Variants in SAMD3 observed in about 807,000 individuals in gnomAD.
SAMD3 encodes sterile alpha motif domain containing 3, also known as sterile alpha motif domain-containing protein 3.
A neutral mutation model predicts 58.5 loss-of-function variants in SAMD3; 63 were observed. That is an observed-to-expected ratio of 1.08 (90% CI 0.88 to 1.33). The LOEUF (loss-of-function observed/expected upper bound fraction) is 1.33. Ranked by LOEUF, SAMD3 falls within the 40% of genes most tolerant of loss-of-function variation. The pLI is 0.00. For synonymous variants in SAMD3, 220 were observed against 210.3 expected (o/e 1.05, Z -0.40); for missense variants, 604 against 608.4 (o/e 0.99, Z 0.08).
chr6:130,155,470 AAAT>A (rs1789694408), intron 8 of SAMD3, among the ~76,000 whole-genome samples: 1 of 152,206 alleles, frequency 6.6e-6, no homozygotes, highest in South Asian at 2.1e-4. Flanking sequence ...TCCAAATTCA[AAAT>A]AATAACAGTG....
intron 2 of SAMD3, chr6:130,215,978 A>G (rs1795984505): frequency 1.6e-6 from 1 of 618,958 alleles, no homozygotes; most frequent in African/African-American, 1.8e-5. Flanking sequence ...CACTGTTATG[A>G]TTGGTAAGAT....
intron 9 of SAMD3, among the ~76,000 whole-genome samples, chr6:130,153,685 TTAAA>T (rs1789455395): frequency 6.8e-6 from 1 of 147,682 alleles, no homozygotes; most frequent in East Asian, 2.0e-4. Flanking sequence ...TATTTATTTT[TTAAA>T]ATTTGAGACA....
intron 2 of SAMD3, among the ~76,000 whole-genome samples, chr6:130,257,835 C>T (rs1773975472): frequency 6.6e-6 from 1 of 151,964 alleles, no homozygotes; most frequent in South Asian, 2.1e-4. Context: ...TCCTTTCTGC[C>T]CCTTCCTGCT....
At chr6:130,212,283 T>A (rs1237012153) in intron 4 of SAMD3, among the ~76,000 whole-genome samples, 1 of 152,154 alleles carries the variant, frequency 6.6e-6, no homozygotes, top group East Asian at 1.9e-4. Context: ...CAATAAGTAT[T>A]CTCTTCTCAC....
intron 2 of SAMD3, among the ~76,000 whole-genome samples, chr6:130,235,116 A>G (rs895735448): frequency 2.0e-5 from 3 of 152,136 alleles, no homozygotes; most frequent in Non-Finnish European, 4.4e-5. Context: ...CCCTGTCTCA[A>G]AAAAAAGGAA....
Position 130,257,063 on chromosome 6 carries a change from C to A in SAMD3, c.-187-34250G>T, listed in dbSNP as rs569172368. Among the ~76,000 whole-genome samples, 4 of 152,180 alleles carry A rather than the reference C, an allele frequency of 2.6e-5. No individual in the cohort carries two copies. In the South Asian group the frequency reaches 8.3e-4, roughly 32 times the overall value. On this transcript the variant is annotated intron_variant, in intron 2 of 13. Coordinates refer to the SAMD3 transcript ENST00000368134. ...ATATGACTATGTCTGGAGAAGAGTT[C>A]TTTAAGAGACAATTAAGCCTTAGTA...
At chr6:130,301,146 A>G (rs911223854) in intron 2 of SAMD3, among the ~76,000 whole-genome samples, 6 of 152,136 alleles carry the variant, frequency 3.9e-5, no homozygotes, top group African/African-American at 1.4e-4. Context: ...AAAGGACACA[A>G]ACTCATTCTT....
At chr6:130,349,862 G>T (rs1375153827) in intron 1 of SAMD3, among the ~76,000 whole-genome samples, 3 of 152,098 alleles carry the variant, frequency 2.0e-5, no homozygotes, top group Non-Finnish European at 4.4e-5. Flanking sequence ...ACATCAAAAA[G>T]CTTATCCACC....
At chr6:130,274,385 G>A (rs1411160174) in intron 2 of SAMD3, among the ~76,000 whole-genome samples, 1 of 152,102 alleles carries the variant, frequency 6.6e-6, no homozygotes, top group Non-Finnish European at 1.5e-5. Context: ...TCTCAGATAG[G>A]GAGGGACTGT....
chr6:130,167,803 G>A (rs148036427), intron 8 of SAMD3, among the ~76,000 whole-genome samples: 268 of 152,234 alleles, frequency 1.8e-3, no homozygotes, highest in African/African-American at 6.3e-3. Context: ...GATTGGAAAG[G>A]CATTTTTAAA....
chr6:130,282,476 A>T (rs1456031884), intron 2 of SAMD3, among the ~76,000 whole-genome samples: 1 of 152,214 alleles, frequency 6.6e-6, no homozygotes, highest in Non-Finnish European at 1.5e-5. Flanking sequence ...ACTGCCCTGA[A>T]GTAGTCTTGG....
chr6:130,353,868 A>C (rs572573993), intron 1 of SAMD3, among the ~76,000 whole-genome samples: 1 of 152,342 alleles, frequency 6.6e-6, no homozygotes, highest in East Asian at 1.9e-4. Flanking sequence ...AGAAACTATC[A>C]ATGGAGTAAA....
At chr6:130,334,792 T>C (rs1003396067) in intron 1 of SAMD3, among the ~76,000 whole-genome samples, 2 of 152,230 alleles carry the variant, frequency 1.3e-5, no homozygotes, top group Non-Finnish European at 2.9e-5. Context: ...TGAAAGCCCA[T>C]GTTCCCCAAC....
intron 2 of SAMD3, among the ~76,000 whole-genome samples, chr6:130,268,264 TA>T (rs1774432803): frequency 6.6e-6 from 1 of 152,074 alleles, no homozygotes; most frequent in African/African-American, 2.4e-5. Context: ...AGAAAGAAAA[TA>T]TTTTTATACA....
chr6:130,184,716 A>G, intron 5 of SAMD3, 93 bp from the exon 6 acceptor site: 1 of 1,076,374 alleles, frequency 9.3e-7, no homozygotes, highest in Non-Finnish European at 1.3e-6. Context: ...GAAATAAACA[A>G]CTTTCCTGAG....
chr6:130,319,394 G>A lies in SAMD3; in HGVS notation c.-303-6301C>T, dbSNP rs73607628. ...TAAAAAAAGAAAAATTTAAAAGCCC[G>A]AAGCGAAAGACACATTAGATACAAA... On this transcript the variant is annotated intron_variant, in intron 1 of 13. Coordinates refer to the SAMD3 transcript ENST00000368134. Among the ~76,000 whole-genome samples the A allele has an allele frequency of 8.4e-3, 1,281 of 152,086 alleles. 18 individuals are homozygous for A. The highest frequency in any genetic ancestry group is 0.029 in the African/African-American group (1,218 of 41,494).
At chr6:130,351,157 T>C (rs1382777559) in intron 1 of SAMD3, among the ~76,000 whole-genome samples, 2 of 152,122 alleles carry the variant, frequency 1.3e-5, no homozygotes, top group African/African-American at 2.4e-5. Flanking sequence ...ACTCAGGACA[T>C]AGGCATGGAC....
At chr6:130,169,048 A>G (rs961867341) in intron 8 of SAMD3, among the ~76,000 whole-genome samples, 1 of 152,096 alleles carries the variant, frequency 6.6e-6, no homozygotes, top group African/African-American at 2.4e-5. Context: ...ACATGGACTC[A>G]AGTAATCCTC....
At chr6:130,365,484 C>A, upstream of SAMD3, 1 of 985,548 alleles carries the variant, frequency 1.0e-6, no homozygotes, top group Non-Finnish European at 1.2e-6. Flanking sequence ...GGGACCCCGG[C>A]CCGCCGGGCG....
Sources: gnomAD v4.1 joint callset for allele counts (sites outside exome capture counted in the v4.1 genomes callset) on GRCh38, gnomAD v4.1.1 for gene constraint, MANE v1.5 for transcripts, NCBI Gene and HGNC (gene_info 2026-07-23, HGNC 2026-07-21) for gene names.